The following NR2F1 variants were observed in gnomAD, a reference collection of about 807,000 sequenced individuals.
The protein encoded by NR2F1 is nuclear receptor subfamily 2 group F member 1.
In NR2F1, 1 loss-of-function variant was observed where a neutral mutation model predicts 37.7. The observed-to-expected ratio is 0.03, with a 90% CI of 0.01 to 0.13. The LOEUF is 0.13. NR2F1 is among the 10% of genes least tolerant of loss of function. The pLI is 1.00. For synonymous variants in NR2F1, 275 were observed against 259.6 expected, an observed-to-expected ratio of 1.06 and a Z score of -0.57; for missense variants, 268 against 578.4, an observed-to-expected ratio of 0.46 and a Z score of 5.50.
Position 93,585,086 on chromosome 5 carries a change from C to A in NR2F1, c.63C>A (p.Gly21=), listed in dbSNP as rs1432991015. The change falls in exon 1 of 3, where the codon GGC becomes GGA. Residue 21 remains glycine (G), a synonymous_variant. Coordinates refer to ENST00000327111, the MANE Select transcript of NR2F1 (RefSeq NM_005654.6). Reference sequence around the variant, plus strand: ...ACGACGTGGCCGGGGGCAACCCCGGCGGCCCCAACCCCGCAGCGCAGGCGG... The same window carrying A: ...ACGACGTGGCCGGGGGCAACCCCGGAGGCCCCAACCCCGCAGCGCAGGCGG... ...PQDDVAGGNP[G]GPNPAAQAAR... is the part of the protein sequence containing the mutation. The A allele has an allele frequency of 5.9e-6, 6 of 1,017,052 alleles. No homozygotes were observed. The African/African-American group carries it at 7.0e-5, about 12-fold the overall frequency. The allele number at this position is 1,017,052 out of a possible 1,614,324, so 63.0% of individuals were successfully genotyped here.
intron 1 of NR2F1, chr5:93,587,210 T>C (rs1482763028): frequency 1.3e-5 from 2 of 152,208 alleles, no homozygotes. Flanking sequence ...ACATTAATTA[T>C]ATTTCCTACT....
chr5:93,585,680 C>T, intron 1 of NR2F1, 194 bp downstream of exon 1: 2 of 584,772 alleles, frequency 3.4e-6, no homozygotes, highest in South Asian at 4.0e-5. Flanking sequence ...CGCTGCCTCC[C>T]CCTCCCGGCC....
chr5:93,590,055 G>A (rs1224128814), intron 2 of NR2F1, among the ~76,000 whole-genome samples: 1 of 152,212 alleles, frequency 6.6e-6, no homozygotes, highest in East Asian at 1.9e-4. Context: ...CTTCTTGATG[G>A]AAACGTGTTT....
At chr5:93,592,264 G>C (rs1012153076) in intron 2 of NR2F1, 1 of 152,098 alleles carries the variant, frequency 6.6e-6, no homozygotes, top group Non-Finnish European at 1.5e-5. Context: ...CATTTTGGGG[G>C]CATTGCCATG....
At position 93,593,662 on chromosome 5, in the gene NR2F1, C is replaced by T. The variant is rs371426115; in HGVS notation, c.1092C>T (p.Pro364=). 16 of 1,614,212 alleles carry T rather than the reference C, an allele frequency of 9.9e-6. No individual in the cohort carries two copies. The African/African-American group carries it at 2.1e-4, about 22-fold the overall frequency. The change falls in exon 3 of 3, where the codon CCC becomes CCT. Residue 364 remains proline, a synonymous_variant. Coordinates refer to ENST00000327111, the MANE Select transcript of NR2F1 (RefSeq NM_005654.6). This position sits in a 1 kb window ranked among gnomAD's most constrained non-coding sequence, Gnocchi z 5.6. ...EYVRSQYPNQ[P]SRFGKLLLRL... Reference sequence around the variant, plus strand: ...TGAGGAGCCAGTACCCCAACCAGCCCAGCCGTTTTGGCAAACTGCTGCTGC... The same window carrying T: ...TGAGGAGCCAGTACCCCAACCAGCCTAGCCGTTTTGGCAAACTGCTGCTGC...
rs1371454209 is a variant in NR2F1, at chr5:93,584,884, C to G, written c.-140C>G. The G allele has an allele frequency of 1.8e-5, 3 of 167,116 alleles. No individual in the cohort carries two copies. The highest frequency in any genetic ancestry group is 7.3e-5 in the African/African-American group (3 of 40,834). The allele number at this position is 167,116 out of a possible 1,614,324, so 10.4% of individuals were successfully genotyped here. A position where few individuals can be genotyped will look rare whatever the true frequency, so the allele number is the denominator to read the frequency against. On this transcript the variant is annotated 5_prime_UTR_variant, in exon 1 of 3. Coordinates refer to ENST00000327111, the MANE Select transcript of NR2F1 (RefSeq NM_005654.6). ...GTGTCCGGCTCGGGCTCGGCTCCTGCGACCCCGGGGCGCCCGGCGGGCCCC... is the reference window on the plus strand; with the variant it reads ...GTGTCCGGCTCGGGCTCGGCTCCTGGGACCCCGGGGCGCCCGGCGGGCCCC...
At position 93,584,171 on chromosome 5, in the gene NR2F1, CGCGGGCGG is replaced by C. The variant is rs1456849197; in HGVS notation, c.-852_-845del. ...GCTCCCGCCGGGACAGCGGCGGCGC[CGCGGGCGG>C]CCCCGGCCTCCGCTCGCGCTCCGGC... On this transcript the variant is annotated 5_prime_UTR_variant, in exon 1 of 3. Transcript: ENST00000327111. 1 of 148,938 alleles carries C rather than the reference CGCGGGCGG, an allele frequency of 6.7e-6. No homozygotes were observed. Among genetic ancestry groups the C allele is most frequent in the African/African-American group, 2.4e-5 (1 of 41,094 alleles). 9.2% of individuals were successfully genotyped at this position (148,938 alleles called of 1,614,324 possible).
intron 2 of NR2F1, 24 bp downstream of exon 2, chr5:93,588,468 G>C: frequency 6.7e-7 from 1 of 1,492,400 alleles, no homozygotes; most frequent in East Asian, 2.5e-5. Context: ...CGCGGGGAGG[G>C]CAGGCCGCGC....
intron 2 of NR2F1, among the ~76,000 whole-genome samples, chr5:93,590,170 A>G (rs567909092): frequency 1.4e-4 from 21 of 152,346 alleles, no homozygotes; most frequent in African/African-American, 1.9e-4. Context: ...AGCCAAATTC[A>G]TCAGGAAGCA....
chr5:93,590,427 C>A (rs1411411777), intron 2 of NR2F1, among the ~76,000 whole-genome samples: 1 of 152,184 alleles, frequency 6.6e-6, no homozygotes, highest in East Asian at 1.9e-4. Flanking sequence ...TTTAACTTTC[C>A]ATACTAAAAC....
rs73135317 is a variant in NR2F1, at chr5:93,586,484, C to G, written c.463+998C>G. ...ATGTGGCAAGAGATGCAGTACTTTT[C>G]TTATAAATATATTTAGCCGTTTACA... On this transcript the variant is annotated intron_variant, in intron 1 of 2. Transcript: ENST00000327111. 4.5e-3 allele frequency among the ~76,000 whole-genome samples: 688 copies of G among 152,186 alleles called. 5 individuals carry two copies. The highest frequency in any genetic ancestry group is 0.016 in the African/African-American group (671 of 41,510).
At chr5:93,592,272 A>G (rs958814291) in intron 2 of NR2F1, 1 of 152,148 alleles carries the variant, frequency 6.6e-6, no homozygotes, top group African/African-American at 2.4e-5. Flanking sequence ...GGGCATTGCC[A>G]TGCATCAATT....
In NR2F1 at chr5:93,591,756, C is replaced by T. The variant is rs111399588; in HGVS notation, c.992-1806C>T. 4.6e-3 allele frequency among the ~76,000 whole-genome samples: 698 copies of T among 152,084 alleles called. 5 individuals are homozygous for T. The highest frequency in any genetic ancestry group is 0.016 in the African/African-American group (679 of 41,500). On this transcript the variant is annotated intron_variant, in intron 2 of 2. Coordinates refer to ENST00000327111, the MANE Select transcript of NR2F1 (RefSeq NM_005654.6). The stretch of plus-strand genomic sequence containing the variant: ...TGCATTGTCTAGGGCTGAGAATGAT[C>T]CATAAGCATGCAGGCAGATAATGCA...
At chr5:93,588,811 G>GTC (rs1224057478) in intron 2 of NR2F1, among the ~76,000 whole-genome samples, 4 of 151,728 alleles carry the variant, frequency 2.6e-5, no homozygotes, top group African/African-American at 9.7e-5. Context: ...GTGTGTGTGT[G>GTC]TCTCTGTGTG....
rs1753377863 is a variant in NR2F1 at position 93,593,924 on chromosome 5, C to T, written c.*82C>T. The T allele has an allele frequency of 7.1e-7, 1 of 1,415,970 alleles. No homozygotes were observed. The highest frequency in any genetic ancestry group is 9.7e-7 in the Non-Finnish European group (1 of 1,032,662). 87.7% of individuals were successfully genotyped at this position (1,415,970 alleles called of 1,614,324 possible). A position where few individuals can be genotyped will look rare whatever the true frequency, so the allele number is the denominator to read the frequency against. On this transcript the variant is annotated 3_prime_UTR_variant, in exon 3 of 3. Transcript: ENST00000327111. The surrounding 1 kb of genome is among the most constrained non-coding windows in gnomAD (Gnocchi z 5.6). Reference sequence around the variant, plus strand: ...GCCAAGGACTCCAAAGCCGCGGGGACACCGGGAAGTGCAGCGGGCCAGGCA... The same window carrying T: ...GCCAAGGACTCCAAAGCCGCGGGGATACCGGGAAGTGCAGCGGGCCAGGCA...
rs1753380439 is a variant in NR2F1 at position 93,593,981 on chromosome 5, G to A, written c.*139G>A. 2 of 703,076 alleles carry A rather than the reference G, an allele frequency of 2.8e-6. No individual in the cohort carries two copies. Among genetic ancestry groups the A allele is most frequent in the Admixed American group, 2.8e-5 (1 of 35,754 alleles). 43.6% of individuals were successfully genotyped at this position (703,076 alleles called of 1,614,324 possible). The stretch of plus-strand genomic sequence containing the variant: ...GTGGGAGGGAGGAGGGCCGAGACAG[G>A]AGCAGCCCACCCAGCAGAAATACAA... On this transcript the variant is annotated 3_prime_UTR_variant, in exon 3 of 3. Transcript: ENST00000327111. This position sits in a 1 kb window ranked among gnomAD's most constrained non-coding sequence, Gnocchi z 5.6.
intron 2 of NR2F1, among the ~76,000 whole-genome samples, chr5:93,590,304 C>T (rs1251138147): frequency 6.6e-6 from 1 of 152,218 alleles, no homozygotes; most frequent in Admixed American, 6.5e-5. Flanking sequence ...TTCCTTACAC[C>T]CCCTAAGGTT....
Position 93,588,258 on chromosome 5 carries a change from A to G in NR2F1, c.805A>G (p.Met269Val), listed in dbSNP as rs1488944591. ...LFVLNAAQCS[M>V]PLHVAPLLAA... ...CGTGCTCAACGCGGCCCAGTGCTCT[A>G]TGCCGCTGCACGTGGCGCCGTTGCT... The change falls in exon 2 of 3, where the codon ATG (methionine) becomes GTG (valine). Residue 269 changes from methionine (M) to valine (V), a missense_variant. Transcript: ENST00000327111. 1 of 1,613,456 alleles carries G rather than the reference A, an allele frequency of 6.2e-7. No individual in the cohort carries two copies. Among genetic ancestry groups the G allele is most frequent in the Non-Finnish European group, 8.5e-7 (1 of 1,179,916 alleles).
chr5:93,585,867 G>A (rs899725933), intron 1 of NR2F1, among the ~76,000 whole-genome samples: 1 of 151,922 alleles, frequency 6.6e-6, no homozygotes, highest in African/African-American at 2.4e-5. Context: ...TGAACTTGGG[G>A]AGGGGTGCTT....
Sources: allele counts gnomAD v4.1 joint callset (sites outside exome capture counted in the v4.1 genomes callset), GRCh38; gene constraint gnomAD v4.1.1; non-coding constraint Gnocchi (gnomAD v3.1); transcripts MANE v1.5; gene names NCBI Gene and HGNC (gene_info 2026-07-23, HGNC 2026-07-21).